Variants in JAKMIP3 observed in about 807,000 individuals in gnomAD.
JAKMIP3 encodes janus kinase and microtubule-interacting protein 3.
A neutral mutation model predicts 118.5 loss-of-function variants in JAKMIP3; 58 were observed. That is an observed-to-expected ratio of 0.49 (90% confidence interval 0.40 to 0.61). The LOEUF is 0.61. Ranked by LOEUF, JAKMIP3 falls within the 20% of genes least tolerant of loss-of-function variation. The pLI is 0.00. For synonymous variants in JAKMIP3, 486 were observed against 451.2 expected, an observed-to-expected ratio of 1.08 and a Z score of -0.98; for missense variants, 950 against 1,109.0, an observed-to-expected ratio of 0.86 and a Z score of 2.04.
intron 1 of JAKMIP3, among the ~76,000 whole-genome samples, chr10:132,084,107 T>C (rs1341587516): frequency 6.6e-6 from 1 of 152,154 alleles, no homozygotes; most frequent in African/African-American, 2.4e-5. Context: ...TTGCATTGAA[T>C]TTGTAGATTG....
upstream of JAKMIP3, among the ~76,000 whole-genome samples, chr10:132,063,525 G>A (rs975029585): frequency 6.6e-5 from 10 of 152,194 alleles, no homozygotes; most frequent in Non-Finnish European, 1.3e-4. Flanking sequence ...CTAGAAAAAT[G>A]GATGCTATTT....
chr10:132,098,491 T>A (rs2044329421), intron 1 of JAKMIP3, among the ~76,000 whole-genome samples: 1 of 152,228 alleles, frequency 6.6e-6, no homozygotes, highest in African/African-American at 2.4e-5. Flanking sequence ...AAGTCACTCA[T>A]GGCACTTCCT....
At chr10:132,104,168 G>A (rs2045543457) in intron 1 of JAKMIP3, among the ~76,000 whole-genome samples, 1 of 152,098 alleles carries the variant, frequency 6.6e-6, no homozygotes, top group African/African-American at 2.4e-5. Flanking sequence ...TACCTGGATT[G>A]TGCTGCTGTG....
At position 132,179,242 on chromosome 10, in the gene JAKMIP3, C is replaced by T. The variant is rs971777083; in HGVS notation, c.*1104-3115C>T. On this transcript the variant is annotated intron_variant, in intron 23 of 23. Transcript: ENST00000684848. This position sits in a 1 kb window ranked among gnomAD's most constrained non-coding sequence, Gnocchi z 4.3. The stretch of plus-strand genomic sequence containing the variant: ...TCCCCTCCAGCGTGAAGGGCAGGGG[C>T]CCTCAGTGCTCATCCTCCCCCAGCA... 1.3e-5 allele frequency among the ~76,000 whole-genome samples: 2 copies of T among 152,234 alleles called. No individual in the cohort carries two copies. Among genetic ancestry groups the T allele is most frequent in the African/African-American group, 4.8e-5 (2 of 41,470 alleles).
intron 23 of JAKMIP3, among the ~76,000 whole-genome samples, 198 bp from the exon 24 acceptor site, chr10:132,182,159 C>T (rs1159758180): frequency 2.0e-5 from 3 of 151,970 alleles, no homozygotes; most frequent in Non-Finnish European, 4.4e-5. Flanking sequence ...GGTGCGTCTC[C>T]CGGGCTGGAG....
At chr10:132,095,667 C>T (rs1009544728) in intron 1 of JAKMIP3, among the ~76,000 whole-genome samples, 26 of 152,198 alleles carry the variant, frequency 1.7e-4, no homozygotes, top group South Asian at 4.1e-4. Flanking sequence ...CAGAAGTTCA[C>T]GACACGAGAC....
In JAKMIP3 at chr10:132,044,640, C is replaced by T. The variant is rs765910177; in HGVS notation, c.-138+7902C>T. On this transcript the variant is annotated intron_variant, in intron 1 of 23. Coordinates refer to the JAKMIP3 transcript ENST00000657785. The surrounding 1 kb of genome is among the most constrained non-coding windows in gnomAD (Gnocchi z 5.3). ...TCCTCAGGGCAGCAGGACGCCACCA[C>T]ATGCTGCGCTCAGGATGGAGGTTTT... Among the ~76,000 whole-genome samples, 85 of 152,206 alleles carry T rather than the reference C, an allele frequency of 5.6e-4. No individual in the cohort carries two copies. The highest frequency in any genetic ancestry group is 1.6e-3 in the Admixed American group (25 of 15,272).
chr10:132,129,241 C>T (rs1378595824), intron 3 of JAKMIP3, among the ~76,000 whole-genome samples: 2 of 152,130 alleles, frequency 1.3e-5, no homozygotes, highest in African/African-American at 4.8e-5. Context: ...ATTGTCCTGC[C>T]CCTGGAGTGT....
At position 132,159,212 on chromosome 10, in the gene JAKMIP3, GTGGGGGCATCTCTCCCTGTGTGATGCT is replaced by G. The variant is rs1589983603; in HGVS notation, c.2221-3996_2221-3970del. On this transcript the variant is annotated intron_variant, in intron 19 of 23. Coordinates refer to ENST00000684848, the MANE Select transcript of JAKMIP3 (RefSeq NM_001323087.2). ...GGGGCATCTCTCCCTGTGTGATGCTGTGGGGGCATCTCTCCCTGTGTGATGCTGGGGGGGCCTCTCCCTGTGTGATGT... is the reference window on the plus strand; with the variant it reads ...GGGGCATCTCTCCCTGTGTGATGCTGGGGGGGGCCTCTCCCTGTGTGATGT... Among the ~76,000 whole-genome samples, 13 of 93,062 alleles carry G rather than the reference GTGGGGGCATCTCTCCCTGTGTGATGCT, an allele frequency of 1.4e-4. No homozygotes were observed. In the East Asian group the frequency reaches 1.7e-3, roughly 12 times the overall value. 61.1% of individuals were successfully genotyped at this position (93,062 alleles called of 152,430 possible).
rs957337599 is a variant in JAKMIP3, at chr10:132,179,736, C to G, written c.*1104-2621C>G. Among the ~76,000 whole-genome samples, 2 of 152,026 alleles carry G rather than the reference C, an allele frequency of 1.3e-5. No homozygotes were observed. Among genetic ancestry groups the G allele is most frequent in the African/African-American group, 4.8e-5 (2 of 41,380 alleles). ...ACACCACGGCAGGGTCGCACCACAGCAGGGTCACGCCACGGCAGGGTCACA... is the reference window on the plus strand; with the variant it reads ...ACACCACGGCAGGGTCGCACCACAGGAGGGTCACGCCACGGCAGGGTCACA... On this transcript the variant is annotated intron_variant, in intron 23 of 23. Coordinates refer to ENST00000684848, the MANE Select transcript of JAKMIP3 (RefSeq NM_001323087.2). This position sits in a 1 kb window ranked among gnomAD's most constrained non-coding sequence, Gnocchi z 4.3.
At chr10:132,042,323 C>T (rs1220233647) in intron 1 of JAKMIP3, among the ~76,000 whole-genome samples, 1 of 151,978 alleles carries the variant, frequency 6.6e-6, no homozygotes, top group Non-Finnish European at 1.5e-5. Context: ...GTGATCCTCA[C>T]ACTTCAACCT....
chr10:132,159,645 G>GA (rs1334406687), intron 19 of JAKMIP3, among the ~76,000 whole-genome samples: 8 of 66,194 alleles, frequency 1.2e-4, no homozygotes, highest in Non-Finnish European at 2.0e-4. Flanking sequence ...GATGCTGGGG[G>GA]GCCTCTCCCT....
At position 132,172,238 on chromosome 10, in the gene JAKMIP3, G is replaced by A. The variant is rs898717761; in HGVS notation, c.*1103+3205G>A. ...GTGGTTCCGTGGAGATAATGCATCT[G>A]GGGGGCATGCCCCAGGAGTGATGGA... On this transcript the variant is annotated intron_variant, in intron 23 of 23. Coordinates refer to ENST00000684848, the MANE Select transcript of JAKMIP3 (RefSeq NM_001323087.2). 2.6e-5 allele frequency among the ~76,000 whole-genome samples: 4 copies of A among 152,074 alleles called. No homozygotes were observed. The South Asian group carries it at 6.2e-4, about 24-fold the overall frequency.
Position 132,112,804 on chromosome 10 carries a change from C to T in JAKMIP3, c.136-4273C>T, listed in dbSNP as rs12219254. On this transcript the variant is annotated intron_variant, in intron 2 of 23. Transcript: ENST00000684848. This position sits in a 1 kb window ranked among gnomAD's most constrained non-coding sequence, Gnocchi z 4.3. ...TGGACACCGGCTCACATGGTGGACG[C>T]ATCTGACTCTCCAGCCGCCGCTTCT... Among the ~76,000 whole-genome samples the T allele has an allele frequency of 0.014, 2,065 of 152,298 alleles. 102 individuals are homozygous for T. The East Asian group carries it at 0.18, about 13-fold the overall frequency.
At chr10:132,177,366 G>A (rs942893340) in intron 23 of JAKMIP3, among the ~76,000 whole-genome samples, 2 of 152,236 alleles carry the variant, frequency 1.3e-5, no homozygotes, top group African/African-American at 4.8e-5. Flanking sequence ...GTGTGCGCAC[G>A]TGTGTGCACA....
chr10:132,124,437 G>A (rs2049128806), intron 3 of JAKMIP3, among the ~76,000 whole-genome samples: 1 of 150,594 alleles, frequency 6.6e-6, no homozygotes, highest in Non-Finnish European at 1.5e-5. Flanking sequence ...GTCCCACCCT[G>A]GCACATCACC....
intron 3 of JAKMIP3, among the ~76,000 whole-genome samples, chr10:132,132,356 T>G (rs968480316): frequency 4.6e-5 from 7 of 152,164 alleles, no homozygotes; most frequent in Non-Finnish European, 8.8e-5. Context: ...ATAAATCTAG[T>G]GCCGTGGAAA....
chr10:132,068,477 TCTCTTGGGCAAGTGTTTCTTATCCATG>T (rs1214822193), intron 1 of JAKMIP3, among the ~76,000 whole-genome samples: 1 of 149,806 alleles, frequency 6.7e-6, no homozygotes, highest in African/African-American at 2.5e-5. Flanking sequence ...CTTCCATGAA[TCTCTTGGGCAAGTGTTTCTTATCCATG>T]AACCTCTTGG....
chr10:132,101,903 C>G (rs1375936238), intron 1 of JAKMIP3, among the ~76,000 whole-genome samples: 1 of 152,096 alleles, frequency 6.6e-6, no homozygotes, highest in Non-Finnish European at 1.5e-5. Context: ...TTCTTCATCC[C>G]CCTGGAGAGT....
Sources: gnomAD v4.1 joint callset for allele counts (sites outside exome capture counted in the v4.1 genomes callset) on GRCh38, gnomAD v4.1.1 for gene constraint, Gnocchi (gnomAD v3.1) non-coding constraint, MANE v1.5 for transcripts, NCBI Gene and HGNC (gene_info 2026-07-23, HGNC 2026-07-21) for gene names.